Variants in ATRNL1 observed in about 807,000 individuals in gnomAD.
ATRNL1 encodes the protein attractin like 1.
Under a neutral mutation model 182.7 loss-of-function variants are expected in ATRNL1, and 95 were observed. That is an observed-to-expected ratio of 0.52 (90% CI 0.44 to 0.62). ATRNL1 has a LOEUF of 0.62. Among genes scored for constraint, ATRNL1 ranks in the 20% least tolerant of loss-of-function variants. ATRNL1 has a pLI of 0.00. For missense variants in ATRNL1, 1,471 were observed against 1,679.5 expected (o/e 0.88, Z 2.17); for synonymous variants, 576 against 568.3 (o/e 1.01, Z -0.19).
At chr10:115,943,356 C>T (rs1953785179) in intron 28 of ATRNL1, among the ~76,000 whole-genome samples, 1 of 152,094 alleles carries the variant, frequency 6.6e-6, no homozygotes, top group Admixed American at 6.5e-5. Context: ...TAAAAACAGG[C>T]AAAATATCTG....
intron 24 of ATRNL1, among the ~76,000 whole-genome samples, chr10:115,475,189 A>G (rs1466773580): frequency 2.6e-5 from 4 of 151,548 alleles, no homozygotes; most frequent in Non-Finnish European, 5.9e-5. Context: ...TAGTAGAGAT[A>G]TGATGTTTTT....
intron 26 of ATRNL1, among the ~76,000 whole-genome samples, chr10:115,710,603 G>GAAT (rs1555054247): frequency 6.6e-6 from 1 of 152,096 alleles, no homozygotes; most frequent in African/African-American, 2.4e-5. Flanking sequence ...AGAATAGTAA[G>GAAT]ATAAACAACC....
At chr10:115,622,852 G>A (rs1225709256) in intron 26 of ATRNL1, among the ~76,000 whole-genome samples, 3 of 151,956 alleles carry the variant, frequency 2.0e-5, no homozygotes, top group Non-Finnish European at 4.4e-5. Flanking sequence ...GTATGAACCC[G>A]GGAGGCGGAG....
intron 27 of ATRNL1, among the ~76,000 whole-genome samples, chr10:115,751,529 A>G (rs1347788451): frequency 6.6e-6 from 1 of 152,060 alleles, no homozygotes; most frequent in African/African-American, 2.4e-5. Flanking sequence ...CTATATTTAC[A>G]TATACACTCA....
intron 27 of ATRNL1, among the ~76,000 whole-genome samples, chr10:115,728,298 CAAAAAA>C (rs58437496): frequency 1.4e-3 from 82 of 58,782 alleles, no homozygotes; most frequent in Middle Eastern, 0.019. Flanking sequence ...GACTCCGCCT[CAAAAAA>C]AAAAAAAAAA....
chr10:115,507,922 A>G (rs1850195972), intron 24 of ATRNL1, among the ~76,000 whole-genome samples: 1 of 151,960 alleles, frequency 6.6e-6, no homozygotes, highest in Non-Finnish European at 1.5e-5. Flanking sequence ...ATGTATGTCA[A>G]GTTTTTGAAA....
chr10:115,166,723 T>C (rs892408821), intron 7 of ATRNL1, among the ~76,000 whole-genome samples: 3 of 152,034 alleles, frequency 2.0e-5, no homozygotes, highest in East Asian at 1.9e-4. Context: ...TCTATTCAGG[T>C]CTTTAGCCAG....
chr10:115,725,867 T>G (rs1947581013), intron 26 of ATRNL1, among the ~76,000 whole-genome samples: 2 of 152,194 alleles, frequency 1.3e-5, no homozygotes, highest in Admixed American at 1.3e-4. Flanking sequence ...AATAATATAA[T>G]TTTGAAGTTA....
chr10:115,135,972 A>C (rs930946734), intron 5 of ATRNL1, among the ~76,000 whole-genome samples: 2 of 150,792 alleles, frequency 1.3e-5, no homozygotes, highest in African/African-American at 4.9e-5. Flanking sequence ...GATCCTCCCA[A>C]CTCAGCCTCC....
chr10:115,093,604 C>G lies in ATRNL1; in HGVS notation c.-147C>G, dbSNP rs1356068389. 1 of 943,412 alleles carries G rather than the reference C, an allele frequency of 1.1e-6. No homozygotes were observed. The highest frequency in any genetic ancestry group is 1.6e-6 in the Non-Finnish European group (1 of 619,038). The allele number at this position is 943,412 out of a possible 1,614,324, so 58.4% of individuals were successfully genotyped here. ...GCGACGGCGGTTGGGATCTGTCCCT[C>G]CTGACCGGGGAGCGGGACTCGGACG... On this transcript the variant is annotated 5_prime_UTR_variant, in exon 1 of 29. Coordinates refer to ENST00000355044, the MANE Select transcript of ATRNL1 (RefSeq NM_207303.4). This position sits in a 1 kb window ranked among gnomAD's most constrained non-coding sequence, Gnocchi z 6.1.
chr10:115,710,999 A>G (rs1377257730), intron 26 of ATRNL1, among the ~76,000 whole-genome samples: 6 of 152,078 alleles, frequency 3.9e-5, no homozygotes, highest in African/African-American at 1.4e-4. Context: ...GTTCTTTTGA[A>G]GTTGACAGAA....
At chr10:115,935,515 C>T (rs1953529151) in intron 28 of ATRNL1, among the ~76,000 whole-genome samples, 1 of 152,102 alleles carries the variant, frequency 6.6e-6, no homozygotes, top group Non-Finnish European at 1.5e-5. Context: ...ACCAAAGTAG[C>T]GGCTTCCTTC....
chr10:115,825,794 A>G (rs1309067469), intron 27 of ATRNL1, among the ~76,000 whole-genome samples: 3 of 152,140 alleles, frequency 2.0e-5, no homozygotes, highest in African/African-American at 7.2e-5. Context: ...TCCTGGCTCT[A>G]GCAGTTAGTC....
At chr10:115,145,806 T>G (rs1314279203) in intron 5 of ATRNL1, among the ~76,000 whole-genome samples, 1 of 152,204 alleles carries the variant, frequency 6.6e-6, no homozygotes, top group East Asian at 1.9e-4. Context: ...CCACTTCTTA[T>G]TAACAATCCA....
chr10:115,910,947 T>A (rs1477723932), intron 28 of ATRNL1, among the ~76,000 whole-genome samples: 5 of 152,246 alleles, frequency 3.3e-5, no homozygotes, highest in Non-Finnish European at 7.3e-5. Flanking sequence ...TCATGTTCGT[T>A]ATCTCAGTGG....
At chr10:115,346,237 A>G (rs1482785210) in intron 19 of ATRNL1, among the ~76,000 whole-genome samples, 4 of 152,178 alleles carry the variant, frequency 2.6e-5, no homozygotes, top group Non-Finnish European at 2.9e-5. Flanking sequence ...CTGAAACTCT[A>G]TAACCATTAA....
intron 27 of ATRNL1, among the ~76,000 whole-genome samples, chr10:115,754,389 A>G (rs1948529533): frequency 6.6e-6 from 1 of 152,126 alleles, no homozygotes; most frequent in Non-Finnish European, 1.5e-5. Flanking sequence ...CTTTCTGCAT[A>G]TGGCCAGCCA....
intron 26 of ATRNL1, among the ~76,000 whole-genome samples, chr10:115,665,131 G>A (rs1156794012): frequency 6.6e-6 from 1 of 152,094 alleles, no homozygotes; most frequent in Non-Finnish European, 1.5e-5. Flanking sequence ...CAATATGTTT[G>A]TTGTTGTGGC....
chr10:115,583,613 TTC>T (rs1186827187), intron 26 of ATRNL1, among the ~76,000 whole-genome samples: 22 of 132,818 alleles, frequency 1.7e-4, no homozygotes, highest in African/African-American at 4.8e-4. Context: ...ATCCTGAAAC[TTC>T]GCTGAAGTTG....
Sources: gnomAD v4.1 joint callset for allele counts (sites outside exome capture counted in the v4.1 genomes callset) on GRCh38, gnomAD v4.1.1 for gene constraint, Gnocchi (gnomAD v3.1) non-coding constraint, MANE v1.5 for transcripts, NCBI Gene and HGNC (gene_info 2026-07-23, HGNC 2026-07-21) for gene names.